The following ASB18 variants were observed in gnomAD, a reference collection of about 807,000 sequenced individuals.
ASB18 encodes the protein ankyrin repeat and SOCS box protein 18.
Under a neutral mutation model 33.4 loss-of-function variants are expected in ASB18, and 33 were observed. The ratio of observed to expected loss-of-function variants is 0.99; its 90% CI spans 0.75 to 1.32. The LOEUF (loss-of-function observed/expected upper bound fraction) is 1.32, where lower values mean the gene tolerates loss of function less well. ASB18 is among the 40% of genes most tolerant of loss of function. The probability of loss-of-function intolerance (pLI) is 0.00; values close to 1 mark genes in which losing one functional copy is unlikely to be tolerated. For synonymous variants in ASB18, 295 were observed against 307.6 expected, an observed-to-expected ratio of 0.96 and a Z score of 0.43; for missense variants, 694 against 655.5, an observed-to-expected ratio of 1.06 and a Z score of -0.64.
At position 236,221,744 on chromosome 2, in the gene ASB18, G is replaced by A. The variant is rs541511320; in HGVS notation, c.597-6878C>T. Among the ~76,000 whole-genome samples, 3 of 152,292 alleles carry A rather than the reference G, an allele frequency of 2.0e-5. No homozygotes were observed. Among genetic ancestry groups the A allele is most frequent in the African/African-American group, 7.2e-5 (3 of 41,572 alleles). ...TGGGCAATCCTGAGCTCCCTCTCCT[G>A]TTCTCCTTATGTGACTGCTCCTGGA... is the stretch of plus-strand genomic sequence containing the variant. On this transcript the variant is annotated intron_variant, in intron 3 of 5. Transcript: ENST00000409749. The surrounding 1 kb of genome is among the most constrained non-coding windows in gnomAD (Gnocchi z 5.6).
At chr2:236,201,271 C>A (rs2060400478) in intron 4 of ASB18, among the ~76,000 whole-genome samples, 1 of 152,172 alleles carries the variant, frequency 6.6e-6, no homozygotes, top group Admixed American at 6.5e-5. Context: ...CCCACCTCAG[C>A]CTCCTGAGTA....
Position 236,245,776 on chromosome 2 carries a change from C to A in ASB18, c.206-4374G>T, listed in dbSNP as rs1576409969. ...CTTCCTCTCTGGGAAGTTCTTCATG[C>A]CCCGCATGGTGTTCCACACAGAGAA... On this transcript the variant is annotated intron_variant, in intron 1 of 5. Transcript: ENST00000409749. The surrounding 1 kb of genome is among the most constrained non-coding windows in gnomAD (Gnocchi z 4.7). Among the ~76,000 whole-genome samples, 1 of 152,188 alleles carries A rather than the reference C, an allele frequency of 6.6e-6. No individual in the cohort carries two copies. The highest frequency in any genetic ancestry group is 2.4e-5 in the African/African-American group (1 of 41,434).
intron 4 of ASB18, among the ~76,000 whole-genome samples, chr2:236,202,395 G>GTTT (rs3033899): frequency 6.6e-6 from 1 of 151,566 alleles, no homozygotes; most frequent in African/African-American, 2.4e-5. Flanking sequence ...TATTCTTTTT[G>GTTT]TTTTCTGCTT....
At chr2:236,254,018 A>G (rs1051906318) in intron 1 of ASB18, 5 of 152,044 alleles carry the variant, frequency 3.3e-5, no homozygotes, top group African/African-American at 1.2e-4. Flanking sequence ...TGGTGACAGG[A>G]GTCACCAAAC....
In ASB18 at chr2:236,222,841, GA is replaced by G. The variant is rs2060518683; in HGVS notation, c.597-7976del. Among the ~76,000 whole-genome samples the G allele has an allele frequency of 6.6e-6, 1 of 152,156 alleles. No individual in the cohort carries two copies. Among genetic ancestry groups the G allele is most frequent in the Admixed American group, 6.5e-5 (1 of 15,268 alleles). On this transcript the variant is annotated intron_variant, in intron 3 of 5. Transcript: ENST00000409749. The surrounding 1 kb of genome is among the most constrained non-coding windows in gnomAD (Gnocchi z 5.5). ...TTGAGACCAGCCTGGCCAACATGGTGAAACCCTATCTCTACTAAAAATACAA... is the reference window on the plus strand; with the variant it reads ...TTGAGACCAGCCTGGCCAACATGGTGAACCCTATCTCTACTAAAAATACAA...
At chr2:236,242,606 A>G (rs539048254) in intron 1 of ASB18, among the ~76,000 whole-genome samples, 1 of 152,244 alleles carries the variant, frequency 6.6e-6, no homozygotes, top group Admixed American at 6.5e-5. Flanking sequence ...AGGCATGTGC[A>G]TATCACCACG....
At chr2:236,233,449 A>G (rs573342630) in intron 3 of ASB18, among the ~76,000 whole-genome samples, 2 of 152,270 alleles carry the variant, frequency 1.3e-5, no homozygotes, top group Non-Finnish European at 2.9e-5. Context: ...TAAAATAAGG[A>G]AAAGTAATAA....
chr2:236,249,030 A>G lies in ASB18; in HGVS notation c.206-7628T>C, dbSNP rs1024047839. On this transcript the variant is annotated intron_variant, in intron 1 of 5. Coordinates refer to ENST00000409749, the MANE Select transcript of ASB18 (RefSeq NM_212556.4). The surrounding 1 kb of genome is among the most constrained non-coding windows in gnomAD (Gnocchi z 4.6). ...AAGAGGTTGTTGGTTGTTTTGATGC[A>G]TTGATATTTATACCCAAATTTAGAT... 1 of 152,228 alleles carries G rather than the reference A, an allele frequency of 6.6e-6. No homozygotes were observed. The highest frequency in any genetic ancestry group is 2.4e-5 in the African/African-American group (1 of 41,470). The allele number at this position is 152,228 out of a possible 1,614,324, so 9.4% of individuals were successfully genotyped here.
Position 236,203,943 on chromosome 2 carries a change from G to A in ASB18, c.1102-7558C>T. The stretch of plus-strand genomic sequence containing the variant: ...AGGACATATCACCAAGGCTGGATCT[G>A]GGGAATAGTTTAGAGGAGACAGAGA... On this transcript the variant is annotated intron_variant, in intron 4 of 5. Coordinates refer to ENST00000409749, the MANE Select transcript of ASB18 (RefSeq NM_212556.4). The surrounding 1 kb of genome is among the most constrained non-coding windows in gnomAD (Gnocchi z 6.0). 6.6e-6 allele frequency among the ~76,000 whole-genome samples: 1 copy of A among 152,012 alleles called. No individual in the cohort carries two copies. Among genetic ancestry groups the A allele is most frequent in the East Asian group, 1.9e-4 (1 of 5,188 alleles).
At position 236,238,599 on chromosome 2, in the gene ASB18, C is replaced by T. The variant is rs922423466; in HGVS notation, c.329-643G>A. On this transcript the variant is annotated intron_variant, in intron 2 of 5. Transcript: ENST00000409749. This position sits in a 1 kb window ranked among gnomAD's most constrained non-coding sequence, Gnocchi z 5.2. Reference sequence around the variant, plus strand: ...AGCACAATCCTGGTTTGTTTCTTTGCGCTTTTTAGGGGTGTGTGTGTGTGT... The same window carrying T: ...AGCACAATCCTGGTTTGTTTCTTTGTGCTTTTTAGGGGTGTGTGTGTGTGT... Among the ~76,000 whole-genome samples the T allele has an allele frequency of 6.0e-5, 6 of 99,494 alleles. No individual in the cohort carries two copies. The East Asian group carries it at 1.2e-3, about 20-fold the overall frequency. 65.3% of individuals were successfully genotyped at this position (99,494 alleles called of 152,430 possible).
At chr2:236,224,718 G>T (rs2060529207) in intron 3 of ASB18, among the ~76,000 whole-genome samples, 1 of 152,184 alleles carries the variant, frequency 6.6e-6, no homozygotes, top group African/African-American at 2.4e-5. Flanking sequence ...ACCATGCCTT[G>T]CAGGCCTGAG....
rs1308712067 is a variant in ASB18 at position 236,221,806 on chromosome 2, C to T, written c.597-6940G>A. The stretch of plus-strand genomic sequence containing the variant: ...CAGACAGAAGGGGTTGAGCACTACA[C>T]AGTGTGTTCAGTGGGGGTAATGGGT... On this transcript the variant is annotated intron_variant, in intron 3 of 5. Coordinates refer to ENST00000409749, the MANE Select transcript of ASB18 (RefSeq NM_212556.4). This position sits in a 1 kb window ranked among gnomAD's most constrained non-coding sequence, Gnocchi z 5.6. Among the ~76,000 whole-genome samples the T allele has an allele frequency of 6.6e-6, 1 of 152,168 alleles. No homozygotes were observed. Among genetic ancestry groups the T allele is most frequent in the Admixed American group, 6.5e-5 (1 of 15,286 alleles).
In ASB18 at chr2:236,214,753, A is replaced by G. The variant is rs948652878; in HGVS notation, c.710T>C (p.Leu237Pro). 7 of 1,176,506 alleles carry G rather than the reference A, an allele frequency of 5.9e-6. No individual in the cohort carries two copies. Among genetic ancestry groups the G allele is most frequent in the African/African-American group, 1.6e-5 (1 of 61,648 alleles). The allele number at this position is 1,176,506 out of a possible 1,614,324, so 72.9% of individuals were successfully genotyped here. ...CACGTGCGCCCCGCGGCCCAGGTAC[A>G]GGCGCGCGTGCTCGTCCAGGCCGCG... ...AQRGLDEHAR[L>P]YLGRGAHVDA... The change falls in exon 4 of 6, where the codon CTG (leucine) becomes CCG (proline). Residue 237 changes from leucine (L) to proline (P), a missense_variant. By Grantham distance (98) the Leu-to-Pro change is moderately conservative (BLOSUM62 -3). Coordinates refer to ENST00000409749, the MANE Select transcript of ASB18 (RefSeq NM_212556.4). The surrounding 1 kb of genome is among the most constrained non-coding windows in gnomAD (Gnocchi z 6.5).
rs2060506830 is a variant in ASB18, at chr2:236,220,689, G to A, written c.597-5823C>T. 6.6e-6 allele frequency among the ~76,000 whole-genome samples: 1 copy of A among 152,086 alleles called. No homozygotes were observed. The highest frequency in any genetic ancestry group is 2.4e-5 in the African/African-American group (1 of 41,404). ...TAAGGCAGGAAGTGGCAAAGCAGAGGTCTCGTTGCTTCATGAGGCTTCCCA... is the reference window on the plus strand; with the variant it reads ...TAAGGCAGGAAGTGGCAAAGCAGAGATCTCGTTGCTTCATGAGGCTTCCCA... On this transcript the variant is annotated intron_variant, in intron 3 of 5. Transcript: ENST00000409749. The surrounding 1 kb of genome is among the most constrained non-coding windows in gnomAD (Gnocchi z 5.1).
intron 3 of ASB18, among the ~76,000 whole-genome samples, chr2:236,232,343 A>G (rs906468180): frequency 2.0e-5 from 3 of 152,060 alleles, no homozygotes; most frequent in Non-Finnish European, 4.4e-5. Flanking sequence ...GATTCAGCTA[A>G]AATAGTATGT....
chr2:236,241,910 G>A lies in ASB18; in HGVS notation c.206-508C>T, dbSNP rs561436533. On this transcript the variant is annotated intron_variant, in intron 1 of 5. Transcript: ENST00000409749. This position sits in a 1 kb window ranked among gnomAD's most constrained non-coding sequence, Gnocchi z 4.2. ...TAGCATTGCATTTACCTGTTTATGT[G>A]GAGTAAGTGACTCACTTACAAAAAT... Among the ~76,000 whole-genome samples the A allele has an allele frequency of 6.6e-6, 1 of 152,120 alleles. No homozygotes were observed. Among genetic ancestry groups the A allele is most frequent in the Non-Finnish European group, 1.5e-5 (1 of 68,004 alleles).
In ASB18 at chr2:236,195,000, G is replaced by A. The variant is rs1476875507; in HGVS notation, c.1273C>T (p.Gln425Ter). 1.2e-6 allele frequency: 2 copies of A among 1,613,894 alleles called. No homozygotes were observed. The highest frequency in any genetic ancestry group is 1.7e-5 in the Admixed American group (1 of 60,022). ...FALALTPRCL[Q>*]HLCRCALRRL... ...CGAAGAGCACAGCGGCAAAGATGCT[G>A]CAGGCAGCGTGGGGTGAGGGCCAAG... Residue 425 changes from glutamine (Q) to a stop codon, truncating the protein, a stop_gained, in exon 6 of 6, where the codon CAG (glutamine) becomes TAG (stop). Transcript: ENST00000409749. LOFTEE classifies it low-confidence loss of function (END_TRUNC). The surrounding 1 kb of genome is among the most constrained non-coding windows in gnomAD (Gnocchi z 4.5).
At chr2:236,230,583 C>T (rs1167851622) in intron 3 of ASB18, among the ~76,000 whole-genome samples, 1 of 151,336 alleles carries the variant, frequency 6.6e-6, no homozygotes, top group Admixed American at 6.6e-5. Flanking sequence ...AGCACAAAGG[C>T]CAGGAGGAGA....
rs2060673281 is a variant in ASB18, at chr2:236,252,610, G to C, written c.206-11208C>G. On this transcript the variant is annotated intron_variant, in intron 1 of 5. Transcript: ENST00000409749. The surrounding 1 kb of genome is among the most constrained non-coding windows in gnomAD (Gnocchi z 7.9). ...ATACCCTATGTTCTGGCCTGAGCAA[G>C]AGGCAGGTGTCACTAGCCACCATGC... Among the ~76,000 whole-genome samples the C allele has an allele frequency of 6.6e-6, 1 of 152,148 alleles. No individual in the cohort carries two copies. Among genetic ancestry groups the C allele is most frequent in the Non-Finnish European group, 1.5e-5 (1 of 68,034 alleles).
Sources: gnomAD v4.1 joint callset for allele counts (sites outside exome capture counted in the v4.1 genomes callset) on GRCh38, gnomAD v4.1.1 for gene constraint, Gnocchi (gnomAD v3.1) non-coding constraint, MANE v1.5 for transcripts, NCBI Gene and HGNC (gene_info 2026-07-23, HGNC 2026-07-21) for gene names.